Variants in CUL4A observed in about 807,000 individuals in gnomAD.
CUL4A encodes cullin 4A.
In CUL4A, 16 loss-of-function variants were observed where a neutral mutation model predicts 95.5. That is an observed-to-expected ratio of 0.17 (90% confidence interval 0.11 to 0.25). CUL4A has a LOEUF of 0.25. Among genes scored for constraint, CUL4A ranks in the 10% least tolerant of loss-of-function variants. The probability of loss-of-function intolerance (pLI) is 1.00; values close to 1 mark genes in which losing one functional copy is unlikely to be tolerated. For missense variants in CUL4A, 610 were observed against 937.0 expected (o/e 0.65, Z 4.56); for synonymous variants, 380 against 353.1 (o/e 1.08, Z -0.85).
chr13:113,258,871 C>G (rs1566374727), intron 18 of CUL4A, among the ~76,000 whole-genome samples: 1 of 152,216 alleles, frequency 6.6e-6, no homozygotes, highest in Non-Finnish European at 1.5e-5. Flanking sequence ...AAAGGGGAAG[C>G]TGAGCCAGAC....
At chr13:113,208,257 C>A (rs1008005448), upstream of CUL4A, 7 of 1,440,928 alleles carry the variant, frequency 4.9e-6, no homozygotes, top group Non-Finnish European at 6.3e-6. Context: ...AGCGGGCCCT[C>A]GGCGTGGCCC....
At chr13:113,223,298 G>A (rs2040969868) in intron 3 of CUL4A, among the ~76,000 whole-genome samples, 1 of 152,300 alleles carries the variant, frequency 6.6e-6, no homozygotes, top group Middle Eastern at 3.4e-3. Flanking sequence ...CTGTGTGGCA[G>A]GGAGTATTCC....
rs1462424649 is a variant in CUL4A, at chr13:113,266,042, G to C, written c.*2460G>C. 1 of 152,094 alleles carries C rather than the reference G, an allele frequency of 6.6e-6. No individual in the cohort carries two copies. Among genetic ancestry groups the C allele is most frequent in the East Asian group, 1.9e-4 (1 of 5,196 alleles). The allele number at this position is 152,094 out of a possible 1,614,324, so 9.4% of individuals were successfully genotyped here. ...ATTTTTTATTTTTATTTAGAGACAGGGTCTTAACTGTCACCTGGACTGGAG... is the reference window on the plus strand; with the variant it reads ...ATTTTTTATTTTTATTTAGAGACAGCGTCTTAACTGTCACCTGGACTGGAG... On this transcript the variant is annotated 3_prime_UTR_variant, in exon 20 of 20. Transcript: ENST00000375440.
chr13:113,256,926 GTT>G (rs951070829), intron 18 of CUL4A, among the ~76,000 whole-genome samples: 1 of 47,374 alleles, frequency 2.1e-5, no homozygotes, highest in Non-Finnish European at 3.6e-5. Context: ...TTTTTTTTTC[GTT>G]TTTTTTTTTT....
intron 2 of CUL4A, among the ~76,000 whole-genome samples, chr13:113,214,792 C>T (rs1287253998): frequency 6.6e-6 from 1 of 152,186 alleles, no homozygotes; most frequent in Non-Finnish European, 1.5e-5. Flanking sequence ...CCTTCCCTCA[C>T]ACCCAAGCTG....
intron 3 of CUL4A, 64 bp from the exon 4 acceptor site, chr13:113,227,907 CAAAAA>C: frequency 1.5e-5 from 12 of 787,480 alleles, no homozygotes; most frequent in South Asian, 3.4e-5. Flanking sequence ...GACTCCATCT[CAAAAA>C]AAAAAAAAAA....
intron 3 of CUL4A, among the ~76,000 whole-genome samples, chr13:113,227,274 T>C (rs1354565619): frequency 6.6e-6 from 1 of 152,192 alleles, no homozygotes; most frequent in East Asian, 1.9e-4. Context: ...CTCTGGAGGC[T>C]GGAGGTCCAG....
chr13:113,230,424 T>C (rs939552229), intron 5 of CUL4A, among the ~76,000 whole-genome samples: 13 of 152,306 alleles, frequency 8.5e-5, no homozygotes, highest in African/African-American at 3.1e-4. Flanking sequence ...ACCCTGTCCT[T>C]GTTGAAGCTC....
chr13:113,228,894 G>A (rs1467754671), intron 4 of CUL4A, among the ~76,000 whole-genome samples: 6 of 152,024 alleles, frequency 3.9e-5, no homozygotes, highest in Non-Finnish European at 5.9e-5. Context: ...GCCGAGGCGG[G>A]CGGATCACGA....
intron 2 of CUL4A, among the ~76,000 whole-genome samples, chr13:113,215,369 G>A (rs1249155840): frequency 3.5e-5 from 5 of 144,820 alleles, no homozygotes; most frequent in Non-Finnish European, 6.0e-5. Context: ...TGGAGGTCAC[G>A]TCGCATGTGG....
chr13:113,208,459 C>A, upstream of CUL4A: 1 of 1,524,736 alleles, frequency 6.6e-7, no homozygotes. Context: ...TCGGCTCGCG[C>A]GGCTGCCCGC....
chr13:113,234,014 C>T (rs1330101071), intron 7 of CUL4A, 28 bp downstream of exon 7: 1 of 1,471,706 alleles, frequency 6.8e-7, no homozygotes, highest in Non-Finnish European at 9.5e-7. Flanking sequence ...TTCCGAATCC[C>T]CTGGCTTCGT....
rs184843867 is a variant in CUL4A, at chr13:113,245,625, G to A, written c.1531-331G>A. The stretch of plus-strand genomic sequence containing the variant: ...CATAGATAGATAAATAGATAAGGTA[G>A]GTAGATTCAATAGATTAGATAGAAT... On this transcript the variant is annotated intron_variant, in intron 14 of 19. Transcript: ENST00000375440. 9.2e-5 allele frequency among the ~76,000 whole-genome samples: 14 copies of A among 152,222 alleles called. No individual in the cohort carries two copies. In the East Asian group the frequency reaches 2.7e-3, roughly 29 times the overall value.
intron 13 of CUL4A, 24 bp downstream of exon 13, chr13:113,245,083 C>T (rs1223709134): frequency 6.2e-7 from 1 of 1,610,636 alleles, no homozygotes; most frequent in Non-Finnish European, 8.5e-7. Context: ...GCCTGGGCTC[C>T]TCCCCTGTAA....
chr13:113,248,763 A>G (rs768034978), intron 15 of CUL4A, among the ~76,000 whole-genome samples: 36 of 152,196 alleles, frequency 2.4e-4, no homozygotes, highest in Non-Finnish European at 4.3e-4. Context: ...TGTAATACCT[A>G]ACAAATGCTG....
chr13:113,211,184 T>C (rs2040425831), intron 2 of CUL4A, among the ~76,000 whole-genome samples: 1 of 152,230 alleles, frequency 6.6e-6, no homozygotes, highest in African/African-American at 2.4e-5. Context: ...GTTACTATAT[T>C]TTGCGATTTC....
At position 113,243,102 on chromosome 13, in the gene CUL4A, G is replaced by A; in HGVS notation, c.1170G>A (p.Met390Ile). 1.2e-6 allele frequency: 2 copies of A among 1,614,220 alleles called. No homozygotes were observed. Among genetic ancestry groups the A allele is most frequent in the Non-Finnish European group, 1.7e-6 (2 of 1,180,024 alleles). ...FQKNERFVNL[M>I]KESFETFINK... ...AGAATGAGCGGTTCGTCAACCTGATGAAGGAGTCCTTTGAGACGTTCATCA... is the reference window on the plus strand; with the variant it reads ...AGAATGAGCGGTTCGTCAACCTGATAAAGGAGTCCTTTGAGACGTTCATCA... Residue 390 changes from methionine to isoleucine, a missense_variant, in exon 11 of 20, where the codon ATG becomes ATA. Physicochemically the swap from Met to Ile is conservative, Grantham distance 10. Around this residue, in one of 10 missense-constraint regions of CUL4A, gnomAD observed 153 missense variants for 244.5 expected, o/e 0.63. Coordinates refer to ENST00000375440, the MANE Select transcript of CUL4A (RefSeq NM_001008895.4).
chr13:113,260,215 A>AAAAAAAAAAAAAAAAAAAAAAAC (rs2042239492), intron 18 of CUL4A, among the ~76,000 whole-genome samples: 1 of 135,410 alleles, frequency 7.4e-6, no homozygotes, highest in East Asian at 2.2e-4. Context: ...AAAAAAAAAA[A>AAAAAAAAAAAAAAAAAAAAAAAC]AAAACCATTT....
rs765836596 is a variant in CUL4A, at chr13:113,245,288, G to C, written c.1530+51G>C. The C allele has an allele frequency of 2.0e-5, 30 of 1,511,946 alleles. No individual in the cohort carries two copies. The Admixed American group carries it at 2.2e-4, about 11-fold the overall frequency. The allele number at this position is 1,511,946 out of a possible 1,614,324, so 93.7% of individuals were successfully genotyped here. A position where few individuals can be genotyped will look rare whatever the true frequency, so the allele number is the denominator to read the frequency against. On this transcript the variant is annotated intron_variant, in intron 14 of 19. Transcript: ENST00000375440. ...GGCTTTTTAAAAAGTATCTGTTAGT[G>C]TGGTGGCTCATGCCTGTAATCCCAG...
Sources: allele counts gnomAD v4.1 joint callset (sites outside exome capture counted in the v4.1 genomes callset), GRCh38; gene constraint gnomAD v4.1.1; regional missense constraint gnomAD v4.1.1; transcripts MANE v1.5; gene names NCBI Gene and HGNC (gene_info 2026-07-23, HGNC 2026-07-21).